The following ADGRV1 variants were observed in gnomAD, a reference collection of about 807,000 sequenced individuals.
The protein encoded by ADGRV1 is G-protein coupled receptor 98.
Under a neutral mutation model 596.2 loss-of-function variants are expected in ADGRV1, and 359 were observed. That is an observed-to-expected ratio of 0.60 (90% CI 0.55 to 0.66). The LOEUF is 0.66. ADGRV1 is among the 30% of genes least tolerant of loss of function. The pLI, the probability that ADGRV1 is intolerant of heterozygous loss-of-function variation, is 0.00. For synonymous variants in ADGRV1, 2,681 were observed against 2,679.2 expected (o/e 1.00, Z -0.02); for missense variants, 7,274 against 7,575.6 (o/e 0.96, Z 1.48).
chr5:90,896,780 A>G (rs1771364980), intron 83 of ADGRV1, among the ~76,000 whole-genome samples: 1 of 152,232 alleles, frequency 6.6e-6, no homozygotes, highest in South Asian at 2.1e-4. Flanking sequence ...ATGTAAATGA[A>G]AAAGTAAATA....
At chr5:90,973,203 A>G (rs921373689) in intron 84 of ADGRV1, among the ~76,000 whole-genome samples, 1 of 152,202 alleles carries the variant, frequency 6.6e-6, no homozygotes, top group African/African-American at 2.4e-5. Context: ...AATTGAGGCA[A>G]TAATTAATAG....
intron 64 of ADGRV1, chr5:90,781,016 TTAACC>T (rs1396203568): frequency 1.1e-5 from 2 of 178,592 alleles, no homozygotes; most frequent in African/African-American, 4.8e-5. Flanking sequence ...ATAAATCATC[TTAACC>T]TAACACTGTA....
chr5:91,130,522 C>CAAAAA (rs11423089), intron 87 of ADGRV1, among the ~76,000 whole-genome samples: 1 of 73,330 alleles, frequency 1.4e-5, no homozygotes, highest in Non-Finnish European at 2.3e-5. Context: ...AACTCCATCT[C>CAAAAA]AAAAAAAAAA....
intron 1 of ADGRV1, among the ~76,000 whole-genome samples, chr5:90,603,498 C>A (rs1415062391): frequency 6.6e-6 from 1 of 152,132 alleles, no homozygotes; most frequent in African/African-American, 2.4e-5. Flanking sequence ...ACTGGCACTT[C>A]ATGGTGCACA....
chr5:91,143,225 C>T (rs1352023998), intron 87 of ADGRV1, among the ~76,000 whole-genome samples: 1 of 152,190 alleles, frequency 6.6e-6, no homozygotes, highest in Non-Finnish European at 1.5e-5. Flanking sequence ...ACTGCCCTGG[C>T]TTGGGGCACT....
At chr5:90,805,523 T>C (rs577730668) in intron 72 of ADGRV1, 65 bp downstream of exon 72, 1 of 1,319,806 alleles carries the variant, frequency 7.6e-7, no homozygotes, top group East Asian at 2.3e-5. Context: ...GGCCACTAAT[T>C]GTCTTGGGTT....
intron 83 of ADGRV1, among the ~76,000 whole-genome samples, chr5:90,931,759 C>G (rs1462217392): frequency 6.6e-6 from 1 of 151,984 alleles, no homozygotes; most frequent in Non-Finnish European, 1.5e-5. Flanking sequence ...CGCATGTTTC[C>G]TAATTGATGA....
chr5:91,093,101 T>C (rs749727548), intron 86 of ADGRV1, among the ~76,000 whole-genome samples: 1 of 152,242 alleles, frequency 6.6e-6, no homozygotes, highest in Non-Finnish European at 1.5e-5. Flanking sequence ...ACCAAATTGA[T>C]GCATGAATTA....
At chr5:90,615,973 A>AT (rs1763317941) in intron 2 of ADGRV1, among the ~76,000 whole-genome samples, 1 of 152,004 alleles carries the variant, frequency 6.6e-6, no homozygotes, top group East Asian at 1.9e-4. Flanking sequence ...CTGTTTACAT[A>AT]TATTTTGATT....
intron 83 of ADGRV1, among the ~76,000 whole-genome samples, chr5:90,921,796 G>GTTTTTTTT (rs571601390): frequency 3.2e-5 from 4 of 124,408 alleles, no homozygotes; most frequent in Non-Finnish European, 3.5e-5. Context: ...GTTGTGTCTT[G>GTTTTTTTT]TTTTTTTTTT....
chr5:91,095,206 A>G (rs1582039971), intron 86 of ADGRV1, among the ~76,000 whole-genome samples: 1 of 147,456 alleles, frequency 6.8e-6, no homozygotes, highest in Non-Finnish European at 1.5e-5. Context: ...CAAACCCAGT[A>G]TTTTTTTTTT....
At chr5:90,931,056 A>G (rs1775203840) in intron 83 of ADGRV1, 1 of 152,174 alleles carries the variant, frequency 6.6e-6, no homozygotes, top group Non-Finnish European at 1.5e-5. Context: ...AAGCTGAAAG[A>G]TTTGTAGATT....
At chr5:90,705,060 G>A (rs1457712759) in intron 36 of ADGRV1, among the ~76,000 whole-genome samples, 1 of 152,130 alleles carries the variant, frequency 6.6e-6, no homozygotes, top group East Asian at 1.9e-4. Flanking sequence ...CGCCTGTCTC[G>A]CCCTCCCAAA....
In ADGRV1 at chr5:90,589,210, G is replaced by T. The variant is rs530989130; in HGVS notation, c.23-25625G>T. Among the ~76,000 whole-genome samples the T allele has an allele frequency of 2.6e-5, 4 of 152,204 alleles. 1 individual carries two copies. In the South Asian group the frequency reaches 8.3e-4, roughly 32 times the overall value. On this transcript the variant is annotated intron_variant, in intron 1 of 89. Coordinates refer to ENST00000405460, the MANE Select transcript of ADGRV1 (RefSeq NM_032119.4). ...ATCAAAGGCAAAATAATAAAAGAGG[G>T]AAGTCTGAGGAGTCATTACATTATT... is the stretch of plus-strand genomic sequence containing the variant.
chr5:91,060,938 A>T (rs751480926), intron 85 of ADGRV1, among the ~76,000 whole-genome samples: 1 of 152,164 alleles, frequency 6.6e-6, no homozygotes, highest in African/African-American at 2.4e-5. Flanking sequence ...GAATCAAACC[A>T]TTGCTGTGAG....
intron 87 of ADGRV1, among the ~76,000 whole-genome samples, chr5:91,128,822 T>C (rs987906331): frequency 5.3e-5 from 8 of 152,156 alleles, no homozygotes; most frequent in African/African-American, 1.9e-4. Context: ...CTCAGGCAAA[T>C]CAGGCAGGAC....
intron 86 of ADGRV1, among the ~76,000 whole-genome samples, chr5:91,092,829 C>T (rs1411793130): frequency 6.6e-6 from 1 of 152,192 alleles, no homozygotes; most frequent in African/African-American, 2.4e-5. Context: ...TGCAGGGTAT[C>T]TATAGCCATG....
At chr5:90,923,231 A>T (rs1264513811) in intron 83 of ADGRV1, among the ~76,000 whole-genome samples, 1 of 152,168 alleles carries the variant, frequency 6.6e-6, no homozygotes, top group Non-Finnish European at 1.5e-5. Context: ...TAAAGGAACC[A>T]TTAGCTAAAA....
rs757193884 is a variant in ADGRV1, at chr5:90,724,903, A to G, written c.9820A>G (p.Thr3274Ala). ...ATCAGCTTCTGGCTGGTGTTTCTTT[A>G]CTTTGGAAAATTTAATATATGGTAT... The part of the protein sequence containing the change: ...DESASGWCFF[T>A]LENLIYGIML... Residue 3274 changes from threonine (T) to alanine (A), a missense_variant, in exon 46 of 90, where the codon ACT (threonine) becomes GCT (alanine). Physicochemically the swap from Thr to Ala is moderately conservative, Grantham distance 58. Around this residue, in one of 5 missense-constraint regions of ADGRV1, gnomAD observed 3,643 missense variants for 3,809.2 expected, o/e 0.96. Coordinates refer to ENST00000405460, the MANE Select transcript of ADGRV1 (RefSeq NM_032119.4). 6.8e-6 allele frequency: 11 copies of G among 1,612,106 alleles called. No homozygotes were observed. In the African/African-American group the frequency reaches 1.5e-4, roughly 22 times the overall value.
Sources: gnomAD v4.1 joint callset for allele counts (sites outside exome capture counted in the v4.1 genomes callset) on GRCh38, gnomAD v4.1.1 for gene constraint, gnomAD v4.1.1 regional missense constraint, MANE v1.5 for transcripts, NCBI Gene and HGNC (gene_info 2026-07-23, HGNC 2026-07-21) for gene names.